GPC6: variants seen among roughly 807,000 people sequenced by gnomAD.
The protein encoded by GPC6 is glypican 6.
GPC6 carries 14 observed loss-of-function variants against 55.2 expected under a neutral mutation model. That is an observed-to-expected ratio of 0.25 (90% CI 0.17 to 0.40). The LOEUF (loss-of-function observed/expected upper bound fraction) is 0.40, where lower values mean the gene tolerates loss of function less well. GPC6 is among the 10% of genes least tolerant of loss of function. The pLI, the probability that GPC6 is intolerant of heterozygous loss-of-function variation, is 1.00. For synonymous variants in GPC6, 278 were observed against 259.6 expected, an observed-to-expected ratio of 1.07 and a Z score of -0.68; for missense variants, 641 against 708.5, an observed-to-expected ratio of 0.90 and a Z score of 1.08.
At chr13:94,217,272 A>G (rs769103778) in intron 4 of GPC6, among the ~76,000 whole-genome samples, 1 of 152,188 alleles carries the variant, frequency 6.6e-6, no homozygotes, top group Non-Finnish European at 1.5e-5. Flanking sequence ...ATCTACACCA[A>G]CACTTTTGTA....
intron 3 of GPC6, among the ~76,000 whole-genome samples, chr13:93,845,276 C>T (rs1888129666): frequency 6.6e-6 from 1 of 151,246 alleles, no homozygotes; most frequent in Non-Finnish European, 1.5e-5. Context: ...ATCAAAACCA[C>T]TATGAGATAT....
intron 3 of GPC6, among the ~76,000 whole-genome samples, chr13:93,850,616 C>T (rs1438770179): frequency 1.3e-5 from 2 of 151,780 alleles, no homozygotes; most frequent in Non-Finnish European, 2.9e-5. Context: ...TATATATGTA[C>T]ATTTTCTCTT....
intron 3 of GPC6, among the ~76,000 whole-genome samples, chr13:93,883,711 C>T (rs1875142192): frequency 6.6e-6 from 1 of 152,042 alleles, no homozygotes; most frequent in Non-Finnish European, 1.5e-5. Flanking sequence ...TTTTGTCCCT[C>T]TTCTAATTTT....
chr13:94,072,281 A>G (rs1884761595), intron 4 of GPC6, among the ~76,000 whole-genome samples: 1 of 152,192 alleles, frequency 6.6e-6, no homozygotes, highest in African/African-American at 2.4e-5. Context: ...CAAATGTTTC[A>G]AAACATAACG....
intron 3 of GPC6, among the ~76,000 whole-genome samples, chr13:93,915,710 T>C (rs1263198241): frequency 6.6e-6 from 1 of 152,182 alleles, no homozygotes; most frequent in African/African-American, 2.4e-5. Flanking sequence ...GTTGGAAATC[T>C]CAGAACCACC....
chr13:93,911,269 C>T (rs1290964466), intron 3 of GPC6, among the ~76,000 whole-genome samples: 3 of 152,032 alleles, frequency 2.0e-5, no homozygotes, highest in Non-Finnish European at 4.4e-5. Flanking sequence ...ATGTATCTGC[C>T]AGACCTAACA....
chr13:94,363,491 C>G (rs1370820650), intron 6 of GPC6, among the ~76,000 whole-genome samples: 2 of 152,164 alleles, frequency 1.3e-5, no homozygotes, highest in African/African-American at 4.8e-5. Flanking sequence ...AAAATGAGTT[C>G]TGTTGATTTG....
At chr13:93,941,919 G>T (rs1295962936) in intron 3 of GPC6, among the ~76,000 whole-genome samples, 2 of 152,118 alleles carry the variant, frequency 1.3e-5, no homozygotes, top group South Asian at 4.1e-4. Context: ...GCAAAACGAG[G>T]ATAATATCAA....
At chr13:93,525,691 G>A (rs1271214730) in intron 1 of GPC6, among the ~76,000 whole-genome samples, 1 of 152,090 alleles carries the variant, frequency 6.6e-6, no homozygotes, top group Non-Finnish European at 1.5e-5. Context: ...GATGATGGTT[G>A]AGCTTGAGGT....
chr13:94,396,774 C>A (rs1272582299), intron 7 of GPC6, among the ~76,000 whole-genome samples: 2 of 152,270 alleles, frequency 1.3e-5, no homozygotes, highest in Middle Eastern at 3.4e-3. Context: ...TGGGTGGAGA[C>A]CCTTTGATTG....
At chr13:94,217,148 T>C (rs1890249884) in intron 4 of GPC6, among the ~76,000 whole-genome samples, 1 of 152,186 alleles carries the variant, frequency 6.6e-6, no homozygotes, top group African/African-American at 2.4e-5. Flanking sequence ...AATGCAGTGA[T>C]CCACACTTTG....
chr13:94,181,173 G>A (rs529923071), intron 4 of GPC6, among the ~76,000 whole-genome samples: 1 of 152,276 alleles, frequency 6.6e-6, no homozygotes, highest in East Asian at 1.9e-4. Flanking sequence ...GCATGCAGGG[G>A]TGGAGACCTA....
At chr13:93,414,388 A>G (rs181647737) in intron 1 of GPC6, among the ~76,000 whole-genome samples, 2 of 152,186 alleles carry the variant, frequency 1.3e-5, no homozygotes, top group Admixed American at 6.5e-5. Context: ...CACTATTATC[A>G]CTGGCTACTT....
At chr13:93,518,968 C>T (rs1174355708) in intron 1 of GPC6, among the ~76,000 whole-genome samples, 1 of 151,972 alleles carries the variant, frequency 6.6e-6, no homozygotes, top group East Asian at 1.9e-4. Context: ...TGGAACATAG[C>T]CACACTAATT....
chr13:93,623,589 G>T (rs933901839), intron 2 of GPC6, among the ~76,000 whole-genome samples: 1 of 150,790 alleles, frequency 6.6e-6, no homozygotes, highest in Admixed American at 6.6e-5. Flanking sequence ...CTCCCAAGTA[G>T]TTGGAATTAC....
chr13:93,432,310 C>T (rs558149893), intron 1 of GPC6, among the ~76,000 whole-genome samples: 1 of 152,236 alleles, frequency 6.6e-6, no homozygotes, highest in South Asian at 2.1e-4. Context: ...CTCCGGCCAA[C>T]TCTTTGGTGA....
intron 4 of GPC6, among the ~76,000 whole-genome samples, chr13:94,212,843 C>T (rs1040534007): frequency 1.4e-4 from 22 of 152,146 alleles, no homozygotes; most frequent in African/African-American, 4.6e-4. Flanking sequence ...GGCACAGATA[C>T]GTTAACTATT....
At chr13:94,126,618 T>C (rs563442285) in intron 4 of GPC6, among the ~76,000 whole-genome samples, 17 of 152,268 alleles carry the variant, frequency 1.1e-4, no homozygotes, top group Admixed American at 5.9e-4. Flanking sequence ...AATGTCATCT[T>C]CTCATCAATT....
At chr13:93,603,585 A>G (rs1485539920) in intron 2 of GPC6, among the ~76,000 whole-genome samples, 1 of 152,194 alleles carries the variant, frequency 6.6e-6, no homozygotes, top group African/African-American at 2.4e-5. Flanking sequence ...GTCACACATC[A>G]AGGCTCCAGG....
Sources: allele counts gnomAD v4.1 joint callset (sites outside exome capture counted in the v4.1 genomes callset), GRCh38; gene constraint gnomAD v4.1.1; transcripts MANE v1.5; gene names NCBI Gene and HGNC (gene_info 2026-07-23, HGNC 2026-07-21).